Variants in KAZN observed in about 807,000 individuals in gnomAD.
KAZN encodes kazrin, periplakin interacting protein.
In KAZN, 40 loss-of-function variants were observed where a neutral mutation model predicts 87.4. The observed-to-expected ratio is 0.46, with a 90% CI of 0.36 to 0.60. KAZN has a LOEUF of 0.60. KAZN is among the 20% of genes least tolerant of loss of function. KAZN has a pLI of 0.00. For missense variants in KAZN, 898 were observed against 1,073.9 expected (o/e 0.84, Z 2.29); for synonymous variants, 466 against 458.3 (o/e 1.02, Z -0.22).
At chr1:14,892,596 G>A (rs1654834115) in intron 1 of KAZN, among the ~76,000 whole-genome samples, 1 of 152,202 alleles carries the variant, frequency 6.6e-6, no homozygotes, top group South Asian at 2.1e-4. Context: ...GAAAGTGCTA[G>A]AAGGTTGCAG....
intron 1 of KAZN, among the ~76,000 whole-genome samples, chr1:13,932,817 C>G (rs1056409734): frequency 6.6e-6 from 1 of 152,100 alleles, no homozygotes; most frequent in Non-Finnish European, 1.5e-5. Flanking sequence ...GAGGTTGTCA[C>G]GCATGTATCT....
At chr1:14,617,399 G>T (rs1244798103) in intron 1 of KAZN, among the ~76,000 whole-genome samples, 1 of 152,122 alleles carries the variant, frequency 6.6e-6, no homozygotes, top group Non-Finnish European at 1.5e-5. Flanking sequence ...GCTAAAAAAT[G>T]GTGATACAGA....
At chr1:14,308,999 A>G (rs1351875011) in intron 2 of KAZN, among the ~76,000 whole-genome samples, 1 of 152,180 alleles carries the variant, frequency 6.6e-6, no homozygotes, top group Non-Finnish European at 1.5e-5. Flanking sequence ...TGGCAGCCTG[A>G]TATTTTTGGC....
chr1:15,010,796 T>C (rs962909279), intron 2 of KAZN, among the ~76,000 whole-genome samples: 1 of 152,190 alleles, frequency 6.6e-6, no homozygotes, highest in Non-Finnish European at 1.5e-5. Flanking sequence ...TCCTTTTTCA[T>C]GGAGTAGCTA....
intron 2 of KAZN, among the ~76,000 whole-genome samples, chr1:14,514,602 T>TA (rs1422810831): frequency 0.37 from 7,763 of 20,710 alleles, 1,623 homozygotes; most frequent in Non-Finnish European, 0.47. Flanking sequence ...ATTTTATATA[T>TA]ATATATATAT....
intron 2 of KAZN, among the ~76,000 whole-genome samples, chr1:14,553,318 G>A (rs1413243497): frequency 1.3e-4 from 20 of 152,216 alleles, no homozygotes; most frequent in Non-Finnish European, 1.0e-4. Flanking sequence ...CCAAGATCGC[G>A]CCACTGCACT....
At chr1:15,026,930 C>G (rs1221036130) in intron 2 of KAZN, among the ~76,000 whole-genome samples, 1 of 152,040 alleles carries the variant, frequency 6.6e-6, no homozygotes, top group African/African-American at 2.4e-5. Context: ...GGGACTTGAG[C>G]ATCGGTGGAT....
At chr1:14,144,954 A>T (rs1324988627) in intron 1 of KAZN, among the ~76,000 whole-genome samples, 2 of 152,230 alleles carry the variant, frequency 1.3e-5, no homozygotes, top group African/African-American at 4.8e-5. Flanking sequence ...ACATTGCCAC[A>T]TTGGGGATCA....
rs569167189 is a variant in KAZN at position 14,988,813 on chromosome 1, G to A, written c.418+27938G>A. Among the ~76,000 whole-genome samples, 3 of 152,198 alleles carry A rather than the reference G, an allele frequency of 2.0e-5. No individual in the cohort carries two copies. The East Asian group carries it at 5.8e-4, about 29-fold the overall frequency. ...TGTGTCGGGTCATGGAGAGGAGAGG[G>A]GCACCCAGCAAAAACCAGCTGCAGG... On this transcript the variant is annotated intron_variant, in intron 2 of 14. Coordinates refer to ENST00000376030, the MANE Select transcript of KAZN (RefSeq NM_201628.3).
At chr1:14,947,222 C>T (rs957586026) in intron 1 of KAZN, among the ~76,000 whole-genome samples, 3 of 152,342 alleles carry the variant, frequency 2.0e-5, no homozygotes, top group Non-Finnish European at 4.4e-5. Flanking sequence ...GTAACTAATG[C>T]GCGGCCTTCC....
intron 2 of KAZN, among the ~76,000 whole-genome samples, chr1:14,426,962 A>C (rs1665766941): frequency 6.6e-6 from 1 of 152,200 alleles, no homozygotes; most frequent in South Asian, 2.1e-4. Flanking sequence ...CCTACTGTAC[A>C]CCAGGCACAG....
intron 1 of KAZN, among the ~76,000 whole-genome samples, chr1:13,945,063 C>T (rs1261257522): frequency 6.6e-6 from 1 of 151,780 alleles, no homozygotes; most frequent in Non-Finnish European, 1.5e-5. Context: ...AAATATAAAA[C>T]AAAGTGGACC....
intron 1 of KAZN, among the ~76,000 whole-genome samples, chr1:13,990,715 A>C (rs1177758875): frequency 6.6e-6 from 1 of 152,226 alleles, no homozygotes; most frequent in African/African-American, 2.4e-5. Flanking sequence ...GAACTTAATC[A>C]TAAGTACACT....
At position 15,103,241 on chromosome 1, in the gene KAZN, T is replaced by C. The variant is rs566709741; in HGVS notation, c.1780-118T>C. The C allele has an allele frequency of 9.4e-5, 68 of 724,794 alleles. No homozygotes were observed. In the Admixed American group the frequency reaches 1.4e-3, roughly 15 times the overall value. 44.9% of individuals were successfully genotyped at this position (724,794 alleles called of 1,614,324 possible). On this transcript the variant is annotated intron_variant, in intron 11 of 14. Transcript: ENST00000376030. The stretch of plus-strand genomic sequence containing the variant: ...CAGATAGCACCACTGCACTCATGCC[T>C]GGGCAGCAGAGAGAGACTCTGTCTC...
At chr1:14,377,449 A>G (rs926919517) in intron 2 of KAZN, among the ~76,000 whole-genome samples, 1 of 152,228 alleles carries the variant, frequency 6.6e-6, no homozygotes, top group Non-Finnish European at 1.5e-5. Flanking sequence ...CAATGACAGT[A>G]GAAAACGTAA....
intron 1 of KAZN, among the ~76,000 whole-genome samples, chr1:13,942,646 A>T (rs918833978): frequency 1.3e-5 from 2 of 152,136 alleles, no homozygotes; most frequent in Non-Finnish European, 2.9e-5. Context: ...GATTGAATAA[A>T]AAACAATCTC....
intron 2 of KAZN, among the ~76,000 whole-genome samples, chr1:14,328,575 C>T (rs960456906): frequency 2.1e-4 from 32 of 151,794 alleles, no homozygotes; most frequent in African/African-American, 6.1e-4. Context: ...TGGTGGTGAG[C>T]GCCCGTAGTC....
At chr1:14,043,648 G>A (rs1641935081) in intron 1 of KAZN, among the ~76,000 whole-genome samples, 1 of 151,888 alleles carries the variant, frequency 6.6e-6, no homozygotes, top group African/African-American at 2.4e-5. Context: ...CCAGTCCAAT[G>A]AGTATGAACG....
intron 13 of KAZN, among the ~76,000 whole-genome samples, chr1:15,106,069 C>T (rs1394978742): frequency 6.6e-6 from 1 of 152,060 alleles, no homozygotes; most frequent in Non-Finnish European, 1.5e-5. Flanking sequence ...TGCTTGAGTC[C>T]AGGAGTTCAA....
Sources: allele counts gnomAD v4.1 joint callset (sites outside exome capture counted in the v4.1 genomes callset), GRCh38; gene constraint gnomAD v4.1.1; transcripts MANE v1.5; gene names NCBI Gene and HGNC (gene_info 2026-07-23, HGNC 2026-07-21).